Variants in PDZD2 observed in about 807,000 individuals in gnomAD.
PDZD2 encodes PDZ domain-containing protein 2.
A neutral mutation model predicts 220.7 loss-of-function variants in PDZD2; 90 were observed. That is an observed-to-expected ratio of 0.41 (90% CI 0.34 to 0.49). PDZD2 has a LOEUF of 0.49. Ranked by LOEUF, PDZD2 falls within the 20% of genes least tolerant of loss-of-function variation. The pLI, the probability that PDZD2 is intolerant of heterozygous loss-of-function variation, is 0.28. For missense variants in PDZD2, 3,174 were observed against 3,608.5 expected (o/e 0.88, Z 3.08); for synonymous variants, 1,375 against 1,450.5 (o/e 0.95, Z 1.18).
At chr5:31,656,297 C>T (rs536263045) in intron 1 of PDZD2, among the ~76,000 whole-genome samples, 1 of 152,340 alleles carries the variant, frequency 6.6e-6, no homozygotes, top group Admixed American at 6.5e-5. Context: ...TTTGAAAAGC[C>T]TTCCCCGCCT....
intron 2 of PDZD2, among the ~76,000 whole-genome samples, chr5:31,964,738 C>T (rs1748564105): frequency 6.6e-6 from 1 of 152,054 alleles, no homozygotes; most frequent in Non-Finnish European, 1.5e-5. Flanking sequence ...TTTTTTGAGG[C>T]GGAGTCTCGC....
At position 31,925,559 on chromosome 5, in the gene PDZD2, A is replaced by G. The variant is rs369946401; in HGVS notation, c.477-57596A>G. ...TTCTGGACATCGGCCTTGGAAAAGA[A>G]TTGATGGCTAAGTCCTCAAAAGCAG... On this transcript the variant is annotated intron_variant, in intron 2 of 24. Coordinates refer to ENST00000438447, the MANE Select transcript of PDZD2 (RefSeq NM_178140.4). 2.1e-3 allele frequency among the ~76,000 whole-genome samples: 326 copies of G among 152,298 alleles called. 12 individuals are homozygous for G. In the South Asian group the frequency reaches 0.065, roughly 30 times the overall value.
At position 32,101,232 on chromosome 5, in the gene PDZD2, G is replaced by A. The variant is rs201446281; in HGVS notation, c.8346G>A (p.Val2782=). 7 of 1,611,216 alleles carry A rather than the reference G, an allele frequency of 4.3e-6. No individual in the cohort carries two copies. Among genetic ancestry groups the A allele is most frequent in the Non-Finnish European group, 8.5e-7 (1 of 1,178,246 alleles). Residue 2782 remains valine (V), a synonymous_variant, in exon 24 of 25, where the codon GTG becomes GTA. Coordinates refer to ENST00000438447, the MANE Select transcript of PDZD2 (RefSeq NM_178140.4). ...ATGGGCCCTTGGTCATTAAAAGAGT[G>A]TACAAAGGTAATGTTCTAGACAACT... is the stretch of plus-strand genomic sequence containing the variant. The part of the protein sequence containing the change: ...TGDGPLVIKR[V]YKGGAAEQAG...
chr5:32,074,749 A>G, intron 18 of PDZD2, 106 bp downstream of exon 18: 1 of 693,454 alleles, frequency 1.4e-6, no homozygotes. Flanking sequence ...GGAAAGGATG[A>G]TGGCTGGAGA....
chr5:31,687,266 A>C (rs191361508), intron 1 of PDZD2, among the ~76,000 whole-genome samples: 14 of 152,332 alleles, frequency 9.2e-5, no homozygotes, highest in Non-Finnish European at 1.9e-4. Flanking sequence ...TCAGGCTTCC[A>C]TAACAAAACA....
intron 5 of PDZD2, 25 bp from the exon 6 acceptor site, chr5:32,010,305 T>G: frequency 6.4e-7 from 1 of 1,569,810 alleles, no homozygotes; most frequent in Middle Eastern, 1.8e-4. Flanking sequence ...AATTCATGGA[T>G]GGGCCTTTAA....
At chr5:31,817,704 C>G (rs1755556792) in intron 2 of PDZD2, among the ~76,000 whole-genome samples, 1 of 152,210 alleles carries the variant, frequency 6.6e-6, no homozygotes, top group East Asian at 1.9e-4. Flanking sequence ...CACTGTCTCA[C>G]CCAGGCTGGA....
In PDZD2 at chr5:32,048,600, C is replaced by A. The variant is rs777442916; in HGVS notation, c.1581C>A (p.Asp527Glu). Residue 527 changes from aspartate to glutamate, a missense_variant, in exon 8 of 25, where the codon GAC (aspartate) becomes GAA (glutamate). Coordinates refer to ENST00000438447, the MANE Select transcript of PDZD2 (RefSeq NM_178140.4). Reference sequence around the variant, plus strand: ...ACGAGCTGATGGTGCGGAATGGGGACCCCCGGATCCGGATGTTGGAGGTCT... The same window carrying A: ...ACGAGCTGATGGTGCGGAATGGGGAACCCCGGATCCGGATGTTGGAGGTCT... ...EYNELMVRNG[D>E]PRIRMLEVSR... 1 of 1,613,772 alleles carries A rather than the reference C, an allele frequency of 6.2e-7. No individual in the cohort carries two copies. The highest frequency in any genetic ancestry group is 1.1e-5 in the South Asian group (1 of 91,078).
intron 1 of PDZD2, among the ~76,000 whole-genome samples, chr5:31,666,669 C>T (rs925922927): frequency 3.3e-5 from 5 of 152,204 alleles, no homozygotes; most frequent in African/African-American, 9.6e-5. Flanking sequence ...TCTTATTCTA[C>T]GCTCCAGTCT....
rs919010340 is a variant in PDZD2, at chr5:32,110,262, C to T, written c.*2127C>T. ...GAGCAAATGGAATGGTCTCCTTCCG[C>T]AAGTCTTTTTAATCCTCATATCTGG... On this transcript the variant is annotated 3_prime_UTR_variant, in exon 25 of 25. Transcript: ENST00000438447. 6.6e-6 allele frequency: 1 copy of T among 152,634 alleles called. No individual in the cohort carries two copies. The highest frequency in any genetic ancestry group is 1.9e-4 in the East Asian group (1 of 5,200). 9.5% of individuals were successfully genotyped at this position (152,634 alleles called of 1,614,324 possible).
chr5:31,665,544 G>T (rs563115151), intron 1 of PDZD2, among the ~76,000 whole-genome samples: 1 of 152,262 alleles, frequency 6.6e-6, no homozygotes, highest in African/African-American at 2.4e-5. Context: ...CCTGGGGGCA[G>T]GTGATTGGAT....
At chr5:31,909,351 C>T (rs931808) in intron 2 of PDZD2, among the ~76,000 whole-genome samples, 68,759 of 151,964 alleles carry the variant, frequency 0.45, 18,203 homozygotes, top group Non-Finnish European at 0.6. Flanking sequence ...TTAAGAAAAG[C>T]ACGTCATGTA....
intron 5 of PDZD2, among the ~76,000 whole-genome samples, chr5:32,002,669 C>G (rs1365302350): frequency 5.7e-5 from 7 of 123,192 alleles, no homozygotes. Flanking sequence ...CACACACACA[C>G]CACACACACA....
chr5:31,738,176 C>T (rs933574703), intron 1 of PDZD2: 3 of 152,252 alleles, frequency 2.0e-5, no homozygotes, highest in Non-Finnish European at 4.4e-5. Flanking sequence ...CCTCACCACA[C>T]ATGGAGTCCT....
chr5:31,741,106 T>C (rs1386295368), intron 1 of PDZD2, among the ~76,000 whole-genome samples: 1 of 152,188 alleles, frequency 6.6e-6, no homozygotes, highest in Non-Finnish European at 1.5e-5. Flanking sequence ...TAATTTTTAA[T>C]AATATACATC....
intron 1 of PDZD2, among the ~76,000 whole-genome samples, chr5:31,762,607 CT>C (rs1225795987): frequency 1.3e-5 from 2 of 152,282 alleles, no homozygotes; most frequent in African/African-American, 4.8e-5. Context: ...ACTTCTTATG[CT>C]AGCACAGGCC....
In PDZD2 at chr5:31,898,953, G is replaced by A. The variant is rs555636624; in HGVS notation, c.477-84202G>A. 5.0e-4 allele frequency among the ~76,000 whole-genome samples: 75 copies of A among 149,966 alleles called. 1 individual carries two copies. Among genetic ancestry groups the A allele is most frequent in the Admixed American group, 4.1e-3 (62 of 15,042 alleles). The stretch of plus-strand genomic sequence containing the variant: ...CGCCATTCTCCTGCCTCAGCCTCCC[G>A]AGTAGCTGGGACTATAGGCGCCCGC... On this transcript the variant is annotated intron_variant, in intron 2 of 24. Coordinates refer to ENST00000438447, the MANE Select transcript of PDZD2 (RefSeq NM_178140.4).
intron 2 of PDZD2, among the ~76,000 whole-genome samples, chr5:31,863,498 C>A (rs570008850): frequency 2.6e-5 from 4 of 152,264 alleles, no homozygotes; most frequent in Middle Eastern, 3.4e-3. Flanking sequence ...CCTGTCTCTT[C>A]GATTTGTTAG....
rs1359349226 is a variant in PDZD2, at chr5:31,854,487, C to T, written c.476+54763C>T. Among the ~76,000 whole-genome samples, 4 of 152,184 alleles carry T rather than the reference C, an allele frequency of 2.6e-5. No individual in the cohort carries two copies. The East Asian group carries it at 5.8e-4, about 22-fold the overall frequency. On this transcript the variant is annotated intron_variant, in intron 2 of 24. Transcript: ENST00000438447. Reference sequence around the variant, plus strand: ...TCTGGAAAGTTCCCTGACATCCTGCCCCATACGATGGTTGTGATTTTAGCT... The same window carrying T: ...TCTGGAAAGTTCCCTGACATCCTGCTCCATACGATGGTTGTGATTTTAGCT...
Sources: allele counts gnomAD v4.1 joint callset (sites outside exome capture counted in the v4.1 genomes callset), GRCh38; gene constraint gnomAD v4.1.1; transcripts MANE v1.5; gene names NCBI Gene and HGNC (gene_info 2026-07-23, HGNC 2026-07-21).